RUSC2: variants seen among roughly 807,000 people sequenced by gnomAD.
The protein encoded by RUSC2 is AP-4 complex accessory subunit RUSC2.
A neutral mutation model predicts 122.2 loss-of-function variants in RUSC2; 34 were observed. The ratio of observed to expected loss-of-function variants is 0.28; its 90% CI spans 0.21 to 0.37. The LOEUF (loss-of-function observed/expected upper bound fraction) is 0.37. Among genes scored for constraint, RUSC2 ranks in the 10% least tolerant of loss-of-function variants. The probability of loss-of-function intolerance (pLI) is 1.00; values close to 1 mark genes in which losing one functional copy is unlikely to be tolerated. For missense variants in RUSC2, 1,747 were observed against 1,952.4 expected, an observed-to-expected ratio of 0.89 and a Z score of 1.98; for synonymous variants, 784 against 790.0, an observed-to-expected ratio of 0.99 and a Z score of 0.13.
In RUSC2 at chr9:35,561,673, CTGGAGGCGGGTG is replaced by C. The variant is rs1822181205; in HGVS notation, c.*292_*303del. The C allele has an allele frequency of 1.9e-6, 1 of 534,262 alleles. No homozygotes were observed. The highest frequency in any genetic ancestry group is 3.3e-6 in the Non-Finnish European group (1 of 304,130). The allele number at this position is 534,262 out of a possible 1,614,324, so 33.1% of individuals were successfully genotyped here. Reference sequence around the variant, plus strand: ...CATGGGTGAAGACAAGCAAGTCCCCCTGGAGGCGGGTGGCCCAGAAAGCCATCTACAGGGTTC... The same window carrying C: ...CATGGGTGAAGACAAGCAAGTCCCCCGCCCAGAAAGCCATCTACAGGGTTC... On this transcript the variant is annotated 3_prime_UTR_variant, in exon 12 of 12. Transcript: ENST00000361226.
chr9:35,560,752 A>T lies in RUSC2; in HGVS notation c.4112A>T (p.Glu1371Val), dbSNP rs891446448. ...EREGPAASPA[E>V]NEEGASEPSP... ...GAAGGGCCCGCTGCCTCGCCAGCAG[A>T]AAATGAGGAAGGGGCCTCAGAGCCT... The change falls in exon 10 of 12, where the codon GAA (glutamate) becomes GTA (valine). Residue 1371 changes from glutamate to valine, a missense_variant. By Grantham distance (121) the Glu-to-Val change is moderately radical (BLOSUM62 -2). Transcript: ENST00000361226. The T allele has an allele frequency of 6.5e-7, 1 of 1,541,284 alleles. No individual in the cohort carries two copies. The highest frequency in any genetic ancestry group is 1.4e-5 in the African/African-American group (1 of 72,622).
chr9:35,505,568 G>C (rs1345187535), intron 1 of RUSC2, among the ~76,000 whole-genome samples: 2 of 152,134 alleles, frequency 1.3e-5, no homozygotes, highest in African/African-American at 4.8e-5. Flanking sequence ...GACAAGAATA[G>C]AGTCTTTGAA....
intron 1 of RUSC2, among the ~76,000 whole-genome samples, chr9:35,492,995 T>A (rs1012338648): frequency 1.3e-5 from 2 of 152,102 alleles, no homozygotes; most frequent in Non-Finnish European, 2.9e-5. Flanking sequence ...GGTTTTTTTT[T>A]AACTTTTATT....
chr9:35,537,431 G>A (rs761707812), intron 1 of RUSC2, among the ~76,000 whole-genome samples: 11 of 152,196 alleles, frequency 7.2e-5, no homozygotes, highest in Admixed American at 5.9e-4. Context: ...TGAGATGACC[G>A]CTAATGGTTG....
At chr9:35,554,559 G>A (rs151195719) in intron 2 of RUSC2, among the ~76,000 whole-genome samples, 2 of 152,286 alleles carry the variant, frequency 1.3e-5, no homozygotes, top group African/African-American at 4.8e-5. Flanking sequence ...CCAAGACTTA[G>A]AAACAAAGAA....
chr9:35,561,173 T>C lies in RUSC2; in HGVS notation c.4350-8T>C. On this transcript the variant is annotated splice_region_variant and splice_polypyrimidine_tract_variant and intron_variant, in intron 11 of 11. Coordinates refer to ENST00000361226, the MANE Select transcript of RUSC2 (RefSeq NM_014806.5). ...GGTTTCTCTGACCTCCATGTGCTGT[T>C]TCCCCAGTGAGGTGCAGGCACTGTG... 1 of 1,613,894 alleles carries C rather than the reference T, an allele frequency of 6.2e-7. No homozygotes were observed. Among genetic ancestry groups the C allele is most frequent in the Non-Finnish European group, 8.5e-7 (1 of 1,179,898 alleles).
At chr9:35,515,100 A>G (rs1169754689) in intron 1 of RUSC2, among the ~76,000 whole-genome samples, 1 of 152,250 alleles carries the variant, frequency 6.6e-6, no homozygotes, top group African/African-American at 2.4e-5. Flanking sequence ...GGACCTGGAA[A>G]AGTGGGGAAC....
chr9:35,501,324 C>T (rs924962968), intron 1 of RUSC2, among the ~76,000 whole-genome samples: 1 of 152,190 alleles, frequency 6.6e-6, no homozygotes, highest in Non-Finnish European at 1.5e-5. Flanking sequence ...CACCTGGAAT[C>T]CCAGCACTTT....
At chr9:35,559,882 C>T (rs1822105516) in intron 9 of RUSC2, 147 bp from the exon 10 acceptor site, 1 of 666,628 alleles carries the variant, frequency 1.5e-6, no homozygotes, top group Admixed American at 2.5e-5. Context: ...CTGTGGGCAG[C>T]AGCGTTTATA....
chr9:35,531,869 C>G (rs1387799821), intron 1 of RUSC2, among the ~76,000 whole-genome samples: 4 of 152,070 alleles, frequency 2.6e-5, no homozygotes, highest in African/African-American at 9.6e-5. Flanking sequence ...ACTAAAAATA[C>G]AAAAAAATTA....
chr9:35,527,320 G>C (rs1464218109), intron 1 of RUSC2, among the ~76,000 whole-genome samples: 1 of 151,724 alleles, frequency 6.6e-6, no homozygotes, highest in East Asian at 1.9e-4. Context: ...TTGCTTGCTT[G>C]CATATGTATG....
chr9:35,498,857 CA>C (rs932584560), intron 1 of RUSC2, among the ~76,000 whole-genome samples: 3 of 144,570 alleles, frequency 2.1e-5, no homozygotes, highest in African/African-American at 7.7e-5. Context: ...AAAAAAAAAA[CA>C]AAAAAAGAAA....
chr9:35,528,532 A>C, intron 1 of RUSC2, among the ~76,000 whole-genome samples: 1 of 144,246 alleles, frequency 6.9e-6, no homozygotes, highest in African/African-American at 2.6e-5. Flanking sequence ...TTTGAGATGG[A>C]GTTTCGCTCT....
intron 1 of RUSC2, among the ~76,000 whole-genome samples, chr9:35,510,048 A>G (rs1820985379): frequency 6.6e-6 from 1 of 152,188 alleles, no homozygotes; most frequent in Non-Finnish European, 1.5e-5. Context: ...TCTCCAGTGT[A>G]ATGGACAGTA....
chr9:35,499,807 C>G (rs1820789298), intron 1 of RUSC2, among the ~76,000 whole-genome samples: 1 of 152,104 alleles, frequency 6.6e-6, no homozygotes, highest in South Asian at 2.1e-4. Context: ...AGAAAAAGAG[C>G]AAAGTTCTCC....
intron 1 of RUSC2, among the ~76,000 whole-genome samples, chr9:35,545,166 G>A (rs1314841515): frequency 6.6e-6 from 1 of 152,112 alleles, no homozygotes; most frequent in Non-Finnish European, 1.5e-5. Flanking sequence ...TCCACATGAC[G>A]AGCTATGACC....
At position 35,548,607 on chromosome 9, in the gene RUSC2, G is replaced by T; in HGVS notation, c.2014+72G>T. ...ATATGCATGGCCACCTCCCTGACAG[G>T]TCCCTGCCAGACCACCCCATCCATA... On this transcript the variant is annotated intron_variant, in intron 2 of 11. Transcript: ENST00000361226. The surrounding 1 kb of genome is among the most constrained non-coding windows in gnomAD (Gnocchi z 4.5). 6.8e-7 allele frequency: 1 copy of T among 1,478,528 alleles called. No homozygotes were observed. The highest frequency in any genetic ancestry group is 8.9e-7 in the Non-Finnish European group (1 of 1,121,300). 91.6% of individuals were successfully genotyped at this position (1,478,528 alleles called of 1,614,324 possible).
At chr9:35,552,609 C>G (rs938066488) in intron 2 of RUSC2, among the ~76,000 whole-genome samples, 1 of 152,152 alleles carries the variant, frequency 6.6e-6, no homozygotes, top group African/African-American at 2.4e-5. Flanking sequence ...TGGATTCATT[C>G]ATAGACTCCA....
At chr9:35,515,241 A>C (rs1356122585) in intron 1 of RUSC2, among the ~76,000 whole-genome samples, 2 of 152,246 alleles carry the variant, frequency 1.3e-5, no homozygotes, top group Non-Finnish European at 2.9e-5. Flanking sequence ...TCTTGTAAAG[A>C]GTAAACAAGT....
Sources: gnomAD v4.1 joint callset for allele counts (sites outside exome capture counted in the v4.1 genomes callset) on GRCh38, gnomAD v4.1.1 for gene constraint, Gnocchi (gnomAD v3.1) non-coding constraint, MANE v1.5 for transcripts, NCBI Gene and HGNC (gene_info 2026-07-23, HGNC 2026-07-21) for gene names.